Variants in SPHKAP observed in about 807,000 individuals in gnomAD.
SPHKAP encodes the protein SPHK1 interactor, AKAP domain containing, also known as A-kinase anchor protein SPHKAP.
In SPHKAP, 67 loss-of-function variants were observed where a neutral mutation model predicts 137.5. The observed-to-expected ratio is 0.49, with a 90% confidence interval of 0.40 to 0.60. The LOEUF (loss-of-function observed/expected upper bound fraction) is 0.60. Ranked by LOEUF, SPHKAP falls within the 20% of genes least tolerant of loss-of-function variation. SPHKAP has a pLI of 0.00. For missense variants in SPHKAP, 2,097 were observed against 2,069.3 expected, an observed-to-expected ratio of 1.01 and a Z score of -0.26; for synonymous variants, 813 against 785.3, an observed-to-expected ratio of 1.04 and a Z score of -0.59.
intron 1 of SPHKAP, among the ~76,000 whole-genome samples, chr2:228,143,788 G>A (rs1026492536): frequency 1.3e-5 from 2 of 150,946 alleles, no homozygotes; most frequent in African/African-American, 4.9e-5. Context: ...TTACAAGCGT[G>A]AGCCACCATG....
chr2:228,096,067 AT>A (rs1261152366), intron 3 of SPHKAP, among the ~76,000 whole-genome samples: 1 of 152,164 alleles, frequency 6.6e-6, no homozygotes, highest in Non-Finnish European at 1.5e-5. Context: ...ACATGGGTGG[AT>A]TGAAAACATC....
chr2:228,023,541 G>A (rs985428233), intron 5 of SPHKAP, among the ~76,000 whole-genome samples: 1 of 152,222 alleles, frequency 6.6e-6, no homozygotes, highest in East Asian at 1.9e-4. Context: ...CTGTTGTAGA[G>A]TAAGCAGAAG....
At chr2:228,156,201 C>G (rs1269961657) in intron 1 of SPHKAP, among the ~76,000 whole-genome samples, 2 of 152,092 alleles carry the variant, frequency 1.3e-5, no homozygotes, top group South Asian at 2.1e-4. Flanking sequence ...TAGTTACATT[C>G]CAGTTGTGAT....
At chr2:228,109,855 T>A (rs1698461201) in intron 2 of SPHKAP, among the ~76,000 whole-genome samples, 2 of 143,006 alleles carry the variant, frequency 1.4e-5, no homozygotes, top group African/African-American at 5.2e-5. Context: ...TAATCCCAGC[T>A]ACTGAGACAG....
chr2:228,107,717 C>T (rs1321794360), intron 3 of SPHKAP, among the ~76,000 whole-genome samples: 1 of 152,130 alleles, frequency 6.6e-6, no homozygotes, highest in African/African-American at 2.4e-5. Flanking sequence ...TCTGTATCTG[C>T]AAATGCCTGA....
intron 5 of SPHKAP, among the ~76,000 whole-genome samples, chr2:228,022,968 G>C (rs574127634): frequency 6.6e-6 from 1 of 152,234 alleles, no homozygotes; most frequent in East Asian, 1.9e-4. Flanking sequence ...GAAATCCATA[G>C]GAAGTGAACT....
chr2:228,067,244 A>G (rs1351535412), intron 3 of SPHKAP, among the ~76,000 whole-genome samples: 1 of 152,202 alleles, frequency 6.6e-6, no homozygotes, highest in Non-Finnish European at 1.5e-5. Context: ...CAATTATTTG[A>G]ATTCTATTGA....
chr2:228,131,746 G>A (rs1699258782), intron 2 of SPHKAP: 1 of 976,872 alleles, frequency 1.0e-6, no homozygotes, highest in Non-Finnish European at 1.2e-6. Context: ...GAAAAGTCTT[G>A]GGTTGAGATA....
chr2:228,156,205 T>C (rs1380409058), intron 1 of SPHKAP, among the ~76,000 whole-genome samples: 1 of 152,236 alleles, frequency 6.6e-6, no homozygotes, highest in African/African-American at 2.4e-5. Context: ...TACATTCCAG[T>C]TGTGATAAAA....
chr2:228,145,592 T>C (rs1004746391), intron 1 of SPHKAP, among the ~76,000 whole-genome samples: 2 of 152,158 alleles, frequency 1.3e-5, no homozygotes, highest in African/African-American at 2.4e-5. Flanking sequence ...CAATTATAGA[T>C]TATTTCCACT....
At chr2:228,029,809 G>C (rs2106234965) in intron 3 of SPHKAP, among the ~76,000 whole-genome samples, 1 of 152,202 alleles carries the variant, frequency 6.6e-6, no homozygotes, top group South Asian at 2.1e-4. Flanking sequence ...TGGCACTGGT[G>C]GTATTGAATT....
chr2:228,171,371 G>A (rs867810862), intron 1 of SPHKAP, among the ~76,000 whole-genome samples: 1 of 152,126 alleles, frequency 6.6e-6, no homozygotes, highest in Middle Eastern at 3.2e-3. Flanking sequence ...CAAGTCCTTT[G>A]TAATTCTAAT....
At chr2:228,047,912 G>A (rs1041612770) in intron 3 of SPHKAP, among the ~76,000 whole-genome samples, 3 of 152,122 alleles carry the variant, frequency 2.0e-5, no homozygotes, top group South Asian at 2.1e-4. Flanking sequence ...GACCAGCTGG[G>A]GTTTTGAATG....
At chr2:228,078,328 G>A (rs1406179695) in intron 3 of SPHKAP, among the ~76,000 whole-genome samples, 1 of 150,004 alleles carries the variant, frequency 6.7e-6, no homozygotes, top group Non-Finnish European at 1.5e-5. Flanking sequence ...CAGAGAAGTA[G>A]TATTTATCTT....
At chr2:228,099,041 T>A (rs918488465) in intron 3 of SPHKAP, among the ~76,000 whole-genome samples, 1 of 152,178 alleles carries the variant, frequency 6.6e-6, no homozygotes, top group African/African-American at 2.4e-5. Context: ...TTTAATCAGG[T>A]CCCACTTGTC....
At chr2:228,077,894 G>A (rs1697235042) in intron 3 of SPHKAP, among the ~76,000 whole-genome samples, 1 of 152,194 alleles carries the variant, frequency 6.6e-6, no homozygotes, top group Non-Finnish European at 1.5e-5. Context: ...CGTGTTGTGG[G>A]AGGAACCCAG....
chr2:228,092,309 ATGTGTG>A (rs546306062), intron 3 of SPHKAP, among the ~76,000 whole-genome samples: 1 of 99,910 alleles, frequency 1.0e-5, no homozygotes, highest in East Asian at 4.3e-4. Flanking sequence ...ACACACGTGT[ATGTGTG>A]TGTATACGTA....
At chr2:228,026,002 G>T in intron 4 of SPHKAP, 1 of 270,970 alleles carries the variant, frequency 3.7e-6, no homozygotes, top group Non-Finnish European at 5.7e-6. Context: ...ATGGGGGCGA[G>T]TCTCTCCTGC....
chr2:227,989,682 T>G (rs1559334434), intron 11 of SPHKAP, among the ~76,000 whole-genome samples: 1 of 152,082 alleles, frequency 6.6e-6, no homozygotes, highest in Non-Finnish European at 1.5e-5. Flanking sequence ...CTCGGCTCAC[T>G]GCAACCTCCA....
Sources: allele counts gnomAD v4.1 joint callset (sites outside exome capture counted in the v4.1 genomes callset), GRCh38; gene constraint gnomAD v4.1.1; transcripts MANE v1.5; gene names NCBI Gene and HGNC (gene_info 2026-07-23, HGNC 2026-07-21).